PCDHGA1: variants seen among roughly 807,000 people sequenced by gnomAD.
PCDHGA1 encodes the protein protocadherin gamma subfamily A, 1.
PCDHGA1 carries 32 observed loss-of-function variants against 58.0 expected under a neutral mutation model. The ratio of observed to expected loss-of-function variants is 0.55; its 90% CI spans 0.42 to 0.74. The LOEUF (loss-of-function observed/expected upper bound fraction) is 0.74. Among genes scored for constraint, PCDHGA1 ranks in the 30% least tolerant of loss-of-function variants. PCDHGA1 has a pLI of 0.00. For synonymous variants in PCDHGA1, 498 were observed against 501.1 expected, an observed-to-expected ratio of 0.99 and a Z score of 0.08; for missense variants, 1,205 against 1,182.3, an observed-to-expected ratio of 1.02 and a Z score of -0.28.
Position 141,381,442 on chromosome 5 carries a change from A to AC in PCDHGA1, c.2421+48338dup, listed in dbSNP as rs551572598. 7.9e-5 allele frequency among the ~76,000 whole-genome samples: 12 copies of AC among 152,360 alleles called. No individual in the cohort carries two copies. In the South Asian group the frequency reaches 2.5e-3, roughly 32 times the overall value. The stretch of plus-strand genomic sequence containing the variant: ...GAGTACCTCTAAGGATCCTGTCAGG[A>AC]CAGTCCTGCATTTTGCTCAAATGCT... On this transcript the variant is annotated intron_variant, in intron 1 of 3. Transcript: ENST00000517417.
In PCDHGA1 at chr5:141,370,450, T is replaced by A. The variant is rs1472088781; in HGVS notation, c.2421+37345T>A. On this transcript the variant is annotated intron_variant, in intron 1 of 3. Transcript: ENST00000517417. The stretch of plus-strand genomic sequence containing the variant: ...GCAGGGCAGAGGCGAATGCTATTTC[T>A]CTTCCTGCTCTCTTTGTTAGACCAG... 2.5e-6 allele frequency: 4 copies of A among 1,609,450 alleles called. No homozygotes were observed. The African/African-American group carries it at 5.4e-5, about 22-fold the overall frequency.
intron 1 of PCDHGA1, chr5:141,356,834 A>C: frequency 6.2e-7 from 1 of 1,614,166 alleles, no homozygotes; most frequent in Non-Finnish European, 8.5e-7. Flanking sequence ...CTCAGCAGCA[A>C]TGTGTCACTG....
chr5:141,508,479 T>G (rs1361434920), intron 3 of PCDHGA1, among the ~76,000 whole-genome samples: 1 of 152,152 alleles, frequency 6.6e-6, no homozygotes, highest in Non-Finnish European at 1.5e-5. Flanking sequence ...TCTTTTACAT[T>G]CTGGATTTCC....
chr5:141,340,548 G>C (rs1453532040), intron 1 of PCDHGA1: 4 of 1,614,122 alleles, frequency 2.5e-6, no homozygotes, highest in Non-Finnish European at 3.4e-6. Flanking sequence ...GAGCAGTTGC[G>C]AGACTTGCAA....
chr5:141,375,643 CGACTAT>C, intron 1 of PCDHGA1: 1 of 1,614,210 alleles, frequency 6.2e-7, no homozygotes, highest in Non-Finnish European at 8.5e-7. Context: ...TGCGCTCCTT[CGACTAT>C]GAGCAGTTGA....
chr5:141,494,790 C>A lies in PCDHGA1; in HGVS notation c.2422-17C>A, dbSNP rs909145. 17 of 1,614,014 alleles carry A rather than the reference C, an allele frequency of 1.1e-5. 1 individual carries two copies. The South Asian group carries it at 1.9e-4, about 18-fold the overall frequency. ...TCTCACGGGTACTCAGCCCCTTTCC[C>A]TCTGTTTTCTCCACAGCAAGCCCCG... On this transcript the variant is annotated splice_polypyrimidine_tract_variant and intron_variant, in intron 1 of 3. Transcript: ENST00000517417.
intron 1 of PCDHGA1, chr5:141,376,375 T>G (rs896572311): frequency 8.7e-6 from 14 of 1,614,090 alleles, no homozygotes; most frequent in African/African-American, 2.7e-5. Flanking sequence ...CAGACTCGCG[T>G]AAGAGTCATC....
intron 2 of PCDHGA1, among the ~76,000 whole-genome samples, chr5:141,501,018 G>A (rs1337771734): frequency 2.0e-5 from 3 of 151,882 alleles, no homozygotes; most frequent in East Asian, 1.9e-4. Context: ...ACAGGCACGC[G>A]CCACCACGCC....
At chr5:141,395,220 G>A (rs1331532806) in intron 1 of PCDHGA1, 1 of 1,611,732 alleles carries the variant, frequency 6.2e-7, no homozygotes, top group Non-Finnish European at 8.5e-7. Flanking sequence ...ATATAAGAAT[G>A]AAGCTGATCA....
At chr5:141,389,816 G>T (rs1359127304) in intron 1 of PCDHGA1, 7 of 1,613,776 alleles carry the variant, frequency 4.3e-6, no homozygotes, top group Non-Finnish European at 5.9e-6. Context: ...TGGTCGCCGT[G>T]CGTGACGGTG....
Position 141,389,586 on chromosome 5 carries a change from G to A in PCDHGA1, c.2421+56481G>A, listed in dbSNP as rs369593580. 471 of 1,613,048 alleles carry A rather than the reference G, an allele frequency of 2.9e-4. No homozygotes were observed. Among genetic ancestry groups the A allele is most frequent in the Non-Finnish European group, 3.8e-4 (446 of 1,179,788 alleles). ...GGTGCTGTACCCCGCGCTGGGTCCC[G>A]ACGGCTCTGCGCTCTTCGATATGGT... On this transcript the variant is annotated intron_variant, in intron 1 of 3. Coordinates refer to ENST00000517417, the MANE Select transcript of PCDHGA1 (RefSeq NM_018912.3).
At chr5:141,405,140 G>A in intron 1 of PCDHGA1, 1 of 1,614,072 alleles carries the variant, frequency 6.2e-7, no homozygotes, top group Non-Finnish European at 8.5e-7. Flanking sequence ...GGCTACCAGT[G>A]ATGGGTTGGC....
At chr5:141,358,135 A>G (rs1760830618) in intron 1 of PCDHGA1, among the ~76,000 whole-genome samples, 1 of 152,246 alleles carries the variant, frequency 6.6e-6, no homozygotes, top group Non-Finnish European at 1.5e-5. Context: ...GGTTGCAATG[A>G]GCTGAGATCA....
intron 1 of PCDHGA1, among the ~76,000 whole-genome samples, chr5:141,448,768 G>A (rs544426582): frequency 1.3e-5 from 2 of 151,632 alleles, no homozygotes; most frequent in Non-Finnish European, 2.9e-5. Flanking sequence ...GTGAAACCCC[G>A]TCTGTACTAA....
chr5:141,454,874 C>A (rs1002727777), intron 1 of PCDHGA1, among the ~76,000 whole-genome samples: 4 of 123,066 alleles, frequency 3.3e-5, no homozygotes, highest in African/African-American at 1.2e-4. Flanking sequence ...GTGGCACGAT[C>A]TTGGCTCACT....
At chr5:141,472,617 A>G (rs1024856184) in intron 1 of PCDHGA1, among the ~76,000 whole-genome samples, 3 of 152,138 alleles carry the variant, frequency 2.0e-5, no homozygotes, top group African/African-American at 7.2e-5. Flanking sequence ...CAAAGAAGAA[A>G]AAAGATAAAG....
At chr5:141,389,514 G>C (rs1030106901) in intron 1 of PCDHGA1, 2 of 1,613,132 alleles carry the variant, frequency 1.2e-6, no homozygotes, top group Non-Finnish European at 1.7e-6. Flanking sequence ...CAGCGCGAAC[G>C]TGAGCCTGCG....
chr5:141,476,574 G>A lies in PCDHGA1; in HGVS notation c.2422-18233G>A, dbSNP rs746783993. ...AGCGAGGCCGTGGCTCCGGGGACGC[G>A]CTTTCCGCTCGAGAGCGCGCACGAT... is the stretch of plus-strand genomic sequence containing the variant. On this transcript the variant is annotated intron_variant, in intron 1 of 3. Coordinates refer to ENST00000517417, the MANE Select transcript of PCDHGA1 (RefSeq NM_018912.3). The surrounding 1 kb of genome is among the most constrained non-coding windows in gnomAD (Gnocchi z 7.6). 40 of 1,614,084 alleles carry A rather than the reference G, an allele frequency of 2.5e-5. No homozygotes were observed. In the African/African-American group the frequency reaches 3.7e-4, roughly 15 times the overall value.
At chr5:141,494,455 G>A (rs906714175) in intron 1 of PCDHGA1, among the ~76,000 whole-genome samples, 2 of 152,156 alleles carry the variant, frequency 1.3e-5, no homozygotes, top group African/African-American at 4.8e-5. Flanking sequence ...AGGGGGCTTT[G>A]TCTGCACCTC....
Sources: gnomAD v4.1 joint callset for allele counts (sites outside exome capture counted in the v4.1 genomes callset) on GRCh38, gnomAD v4.1.1 for gene constraint, Gnocchi (gnomAD v3.1) non-coding constraint, MANE v1.5 for transcripts, NCBI Gene and HGNC (gene_info 2026-07-23, HGNC 2026-07-21) for gene names.